The following EXT1 variants were observed in gnomAD, a reference collection of about 807,000 sequenced individuals.
The protein encoded by EXT1 is exostosin-1.
EXT1 carries 20 observed loss-of-function variants against 82.5 expected under a neutral mutation model. The observed-to-expected ratio is 0.24, with a 90% confidence interval of 0.17 to 0.35. The LOEUF (loss-of-function observed/expected upper bound fraction) is 0.35, where lower values mean the gene tolerates loss of function less well. Ranked by LOEUF, EXT1 falls within the 10% of genes least tolerant of loss-of-function variation. EXT1 has a pLI of 1.00. For synonymous variants in EXT1, 348 were observed against 350.8 expected, an observed-to-expected ratio of 0.99 and a Z score of 0.09; for missense variants, 757 against 936.5, an observed-to-expected ratio of 0.81 and a Z score of 2.50.
At chr8:117,964,998 C>T (rs771152222) in intron 1 of EXT1, among the ~76,000 whole-genome samples, 3 of 151,970 alleles carry the variant, frequency 2.0e-5, no homozygotes, top group Non-Finnish European at 4.4e-5. Flanking sequence ...TCTCCTGACA[C>T]ACAGTAGGCA....
At chr8:117,980,697 G>GTTTT (rs1491146564) in intron 1 of EXT1, among the ~76,000 whole-genome samples, 588 of 27,486 alleles carry the variant, frequency 0.021, 111 homozygotes, top group East Asian at 0.038. Flanking sequence ...GGGTGTTGGT[G>GTTTT]GTTTTTTTTT....
chr8:117,931,576 C>CA (rs1434848444), intron 1 of EXT1, among the ~76,000 whole-genome samples: 2 of 152,056 alleles, frequency 1.3e-5, no homozygotes, highest in African/African-American at 4.8e-5. Context: ...ATTGGCTACA[C>CA]ATTGAGCTGG....
intron 1 of EXT1, among the ~76,000 whole-genome samples, chr8:118,004,290 G>C (rs917397584): frequency 6.6e-6 from 1 of 152,232 alleles, no homozygotes; most frequent in South Asian, 2.1e-4. Flanking sequence ...GCATGTGCAC[G>C]TATGTGTGCA....
At chr8:118,039,573 A>T (rs1010126547) in intron 1 of EXT1, among the ~76,000 whole-genome samples, 10 of 151,562 alleles carry the variant, frequency 6.6e-5, no homozygotes, top group Admixed American at 1.3e-4. Context: ...AAAAAAAAAA[A>T]AAAAAAAATA....
intron 1 of EXT1, among the ~76,000 whole-genome samples, chr8:117,902,581 T>A (rs1189473834): frequency 7.4e-6 from 1 of 135,906 alleles, no homozygotes. Flanking sequence ...CCATGCATTG[T>A]TATAATTAGC....
intron 1 of EXT1, among the ~76,000 whole-genome samples, chr8:118,043,055 T>C (rs1270678906): frequency 1.3e-5 from 2 of 152,194 alleles, no homozygotes; most frequent in Non-Finnish European, 2.9e-5. Context: ...ACTTCCATCC[T>C]AGGGAGGAAA....
At chr8:118,000,285 G>A (rs964157000) in intron 1 of EXT1, among the ~76,000 whole-genome samples, 1 of 152,184 alleles carries the variant, frequency 6.6e-6, no homozygotes, top group African/African-American at 2.4e-5. Context: ...AACCTTTGCA[G>A]CAAACATGCA....
intron 1 of EXT1, among the ~76,000 whole-genome samples, chr8:118,035,461 T>G (rs1306006886): frequency 6.6e-6 from 1 of 152,122 alleles, no homozygotes; most frequent in African/African-American, 2.4e-5. Context: ...AAAACTAGGA[T>G]GCAATCCTTG....
At chr8:118,069,701 G>A (rs565586761) in intron 1 of EXT1, among the ~76,000 whole-genome samples, 5 of 152,178 alleles carry the variant, frequency 3.3e-5, no homozygotes, top group East Asian at 1.9e-4. Flanking sequence ...TTGTAGCAAC[G>A]TCGTAGGCAT....
intron 3 of EXT1, among the ~76,000 whole-genome samples, chr8:117,834,247 A>T (rs1812147979): frequency 6.6e-6 from 1 of 152,202 alleles, no homozygotes; most frequent in Admixed American, 6.5e-5. Flanking sequence ...ATTTTAGGGA[A>T]AGTGCTGTAT....
At chr8:117,979,246 C>A (rs181980109) in intron 1 of EXT1, among the ~76,000 whole-genome samples, 1 of 151,702 alleles carries the variant, frequency 6.6e-6, no homozygotes, top group Non-Finnish European at 1.5e-5. Flanking sequence ...CCCAGCTACT[C>A]GGGAGGCTGA....
At chr8:118,100,840 T>TCTGA (rs751371806) in intron 1 of EXT1, among the ~76,000 whole-genome samples, 81 of 151,704 alleles carry the variant, frequency 5.3e-4, no homozygotes, top group East Asian at 7.8e-4. Context: ...CAAGGAAGTA[T>TCTGA]CTGACTGCCC....
chr8:117,870,453 A>G (rs1440156448), intron 1 of EXT1, among the ~76,000 whole-genome samples: 2 of 150,412 alleles, frequency 1.3e-5, no homozygotes, highest in African/African-American at 5.0e-5. Context: ...CTCTGAGCTA[A>G]AAATCAGTGT....
intron 1 of EXT1, among the ~76,000 whole-genome samples, chr8:118,070,305 A>G (rs1473427882): frequency 6.6e-6 from 1 of 151,562 alleles, no homozygotes; most frequent in African/African-American, 2.4e-5. Flanking sequence ...ATGCATACAC[A>G]TATCTACTTA....
At chr8:117,839,139 A>G (rs908074107) in intron 1 of EXT1, among the ~76,000 whole-genome samples, 14 of 152,194 alleles carry the variant, frequency 9.2e-5, no homozygotes, top group Admixed American at 9.2e-4. Flanking sequence ...AGTAAGATTG[A>G]CATGATCGAA....
intron 1 of EXT1, among the ~76,000 whole-genome samples, chr8:117,938,195 C>T (rs1053483672): frequency 1.4e-4 from 22 of 152,148 alleles, no homozygotes; most frequent in Admixed American, 1.4e-3. Flanking sequence ...GGCACGGTGG[C>T]TCATGCCTGT....
intron 1 of EXT1, among the ~76,000 whole-genome samples, chr8:118,031,957 C>T (rs1259247752): frequency 6.6e-6 from 1 of 151,934 alleles, no homozygotes. Flanking sequence ...TGCTCCTCAA[C>T]CCTAAAGCCA....
chr8:118,008,941 T>C (rs1159645676), intron 1 of EXT1, among the ~76,000 whole-genome samples: 2 of 152,216 alleles, frequency 1.3e-5, no homozygotes, highest in Admixed American at 1.3e-4. Flanking sequence ...ATTGCTATTA[T>C]GAAATGGGTC....
rs1258628126 is a variant in EXT1, at chr8:118,039,631, T to C, written c.962+70454A>G. On this transcript the variant is annotated intron_variant, in intron 1 of 10. Transcript: ENST00000378204. ...AGACCACCGACTGGTACTATCAACA[T>C]GCCAGAAGAGTGAAAATTTTTGAAG... Among the ~76,000 whole-genome samples, 5 of 150,722 alleles carry C rather than the reference T, an allele frequency of 3.3e-5. No individual in the cohort carries two copies. The South Asian group carries it at 6.3e-4, about 19-fold the overall frequency.
Sources: allele counts gnomAD v4.1 joint callset (sites outside exome capture counted in the v4.1 genomes callset), GRCh38; gene constraint gnomAD v4.1.1; transcripts MANE v1.5; gene names NCBI Gene and HGNC (gene_info 2026-07-23, HGNC 2026-07-21).